The following FGD4 variants were observed in gnomAD, a reference collection of about 807,000 sequenced individuals.
FGD4 encodes FYVE, RhoGEF and PH domain-containing protein 4.
FGD4 carries 42 observed loss-of-function variants against 102.0 expected under a neutral mutation model. The observed-to-expected ratio is 0.41, with a 90% confidence interval of 0.32 to 0.53. The LOEUF (loss-of-function observed/expected upper bound fraction) is 0.53, where lower values mean the gene tolerates loss of function less well. Among genes scored for constraint, FGD4 ranks in the 20% least tolerant of loss-of-function variants. The pLI is 0.21. For synonymous variants in FGD4, 380 were observed against 375.7 expected, an observed-to-expected ratio of 1.01 and a Z score of -0.13; for missense variants, 902 against 1,078.2, an observed-to-expected ratio of 0.84 and a Z score of 2.29.
chr12:32,512,690 T>C (rs1451480326), intron 1 of FGD4, among the ~76,000 whole-genome samples: 1 of 152,206 alleles, frequency 6.6e-6, no homozygotes, highest in Non-Finnish European at 1.5e-5. Context: ...GGAGACAGGC[T>C]GATCCAGGGC....
intron 1 of FGD4, among the ~76,000 whole-genome samples, chr12:32,521,098 G>A (rs1940491126): frequency 6.6e-6 from 1 of 152,080 alleles, no homozygotes; most frequent in African/African-American, 2.4e-5. Flanking sequence ...TAGAAAAAAG[G>A]ACATTGCAGG....
At chr12:32,520,437 T>C (rs889934779) in intron 1 of FGD4, among the ~76,000 whole-genome samples, 1 of 143,120 alleles carries the variant, frequency 7.0e-6, no homozygotes, top group Non-Finnish European at 1.6e-5. Context: ...TTTTTTGTTT[T>C]TTGTTTTTTT....
chr12:32,557,761 T>C (rs1016531867), intron 1 of FGD4, among the ~76,000 whole-genome samples: 1 of 152,210 alleles, frequency 6.6e-6, no homozygotes, highest in Non-Finnish European at 1.5e-5. Context: ...GCAAGAGAGT[T>C]GTAAACTATG....
chr12:32,615,209 G>A (rs765598400), intron 10 of FGD4, among the ~76,000 whole-genome samples: 34 of 152,302 alleles, frequency 2.2e-4, no homozygotes, highest in Non-Finnish European at 4.3e-4. Context: ...AGTGAAAGAT[G>A]CCAGTTACAA....
intron 10 of FGD4, among the ~76,000 whole-genome samples, chr12:32,614,560 G>A (rs978906818): frequency 5.3e-5 from 8 of 152,208 alleles, no homozygotes; most frequent in African/African-American, 1.9e-4. Flanking sequence ...ACCCAGGAAA[G>A]CTTCTCCAAA....
chr12:32,519,120 A>T (rs111554102), intron 1 of FGD4, among the ~76,000 whole-genome samples: 5 of 76,256 alleles, frequency 6.6e-5, no homozygotes, highest in African/African-American at 1.1e-4. Flanking sequence ...CCGTCTCAGG[A>T]AAAAAAAAAA....
intron 1 of FGD4, among the ~76,000 whole-genome samples, chr12:32,521,397 T>C (rs1350522949): frequency 7.0e-6 from 1 of 142,172 alleles, no homozygotes; most frequent in East Asian, 2.0e-4. Context: ...AAAAGGACAT[T>C]GCATGAATAT....
In FGD4 at chr12:32,611,002, G is replaced by A. The variant is rs1360025536; in HGVS notation, c.1603-135G>A. On this transcript the variant is annotated intron_variant, in intron 9 of 16. Transcript: ENST00000534526. ...AATAATTCTCTGAACTTGCTAATAA[G>A]TGATGGAATTTATATTAAAATGTAT... 5 of 1,273,474 alleles carry A rather than the reference G, an allele frequency of 3.9e-6. No homozygotes were observed. The Admixed American group carries it at 6.2e-5, about 16-fold the overall frequency. 78.9% of individuals were successfully genotyped at this position (1,273,474 alleles called of 1,614,324 possible).
intron 1 of FGD4, among the ~76,000 whole-genome samples, chr12:32,490,302 T>C (rs775962423): frequency 6.6e-6 from 1 of 152,136 alleles, no homozygotes; most frequent in Non-Finnish European, 1.5e-5. Flanking sequence ...TTTTCTTAAA[T>C]TGTCTCAAGC....
intron 8 of FGD4, among the ~76,000 whole-genome samples, chr12:32,609,287 G>T: frequency 6.6e-6 from 1 of 152,252 alleles, no homozygotes; most frequent in South Asian, 2.1e-4. Flanking sequence ...GATGAACTCG[G>T]CTTGCCATCT....
intron 1 of FGD4, among the ~76,000 whole-genome samples, chr12:32,479,400 G>A (rs1239250923): frequency 1.3e-5 from 2 of 151,946 alleles, no homozygotes; most frequent in African/African-American, 4.8e-5. Flanking sequence ...TCCCTGTGTT[G>A]CCCAGGCTGG....
In FGD4 at chr12:32,643,636, C is replaced by T. The variant is rs1319949511; in HGVS notation, c.*3103C>T. 6.6e-6 allele frequency: 1 copy of T among 150,582 alleles called. No individual in the cohort carries two copies. Among genetic ancestry groups the T allele is most frequent in the Non-Finnish European group, 1.5e-5 (1 of 67,704 alleles). 9.3% of individuals were successfully genotyped at this position (150,582 alleles called of 1,614,324 possible). On this transcript the variant is annotated 3_prime_UTR_variant, in exon 17 of 17. Transcript: ENST00000534526. The stretch of plus-strand genomic sequence containing the variant: ...ACAGAAACTAACCTTTTAAATGTAC[C>T]CTTTCCCCATATATATATACGCACA...
intron 1 of FGD4, among the ~76,000 whole-genome samples, chr12:32,495,042 T>C (rs1411675403): frequency 6.6e-6 from 1 of 152,218 alleles, no homozygotes. Context: ...CATTCTGTCT[T>C]CACAGAATTA....
chr12:32,487,972 G>T (rs1591996084), intron 1 of FGD4, among the ~76,000 whole-genome samples: 1 of 152,116 alleles, frequency 6.6e-6, no homozygotes, highest in Non-Finnish European at 1.5e-5. Context: ...AACTAATAGA[G>T]GACTTCAACT....
chr12:32,455,312 TTATTTA>T (rs1258568983), intron 1 of FGD4, among the ~76,000 whole-genome samples: 1 of 152,158 alleles, frequency 6.6e-6, no homozygotes, highest in East Asian at 1.9e-4. Context: ...ATAAAATTTT[TTATTTA>T]TATTTAGAGC....
intron 1 of FGD4, among the ~76,000 whole-genome samples, chr12:32,443,740 G>A (rs533969122): frequency 2.7e-5 from 4 of 150,852 alleles, no homozygotes; most frequent in South Asian, 4.2e-4. Context: ...TTATAGAGAT[G>A]GGATATCACT....
intron 1 of FGD4, among the ~76,000 whole-genome samples, chr12:32,498,193 A>C (rs1278299120): frequency 1.3e-5 from 2 of 152,252 alleles, no homozygotes; most frequent in African/African-American, 4.8e-5. Context: ...TTTGGGTATC[A>C]CTGCCAACTC....
At chr12:32,615,094 A>G (rs1258170958) in intron 10 of FGD4, among the ~76,000 whole-genome samples, 1 of 152,262 alleles carries the variant, frequency 6.6e-6, no homozygotes, top group South Asian at 2.1e-4. Context: ...TTAACTGAAT[A>G]GGTAAACAAA....
At position 32,582,041 on chromosome 12, in the gene FGD4, G is replaced by T; in HGVS notation, c.585G>T (p.Leu195Phe). ...CTAGAACCCCAGGAAGGCATGGATT[G>T]ACAACCACACCTCAACAAAAACTCC... Reference protein sequence around the residue: ...NAPRTPGRHGLTTTPQQKLLS... With the variant: ...NAPRTPGRHGFTTTPQQKLLS... The change falls in exon 4 of 17, where the codon TTG becomes TTT. Residue 195 changes from leucine to phenylalanine, a missense_variant. Leu to Phe is a conservative substitution (Grantham distance 22, BLOSUM62 0). This residue lies in a region of FGD4 where 443 missense variants were observed against 459.2 expected (regional missense o/e 0.96). Transcript: ENST00000534526. 1 of 1,614,188 alleles carries T rather than the reference G, an allele frequency of 6.2e-7. No homozygotes were observed. Among genetic ancestry groups the T allele is most frequent in the South Asian group, 1.1e-5 (1 of 91,080 alleles).
Sources: gnomAD v4.1 joint callset for allele counts (sites outside exome capture counted in the v4.1 genomes callset) on GRCh38, gnomAD v4.1.1 for gene constraint, gnomAD v4.1.1 regional missense constraint, MANE v1.5 for transcripts, NCBI Gene and HGNC (gene_info 2026-07-23, HGNC 2026-07-21) for gene names.